LMBRD1: variants seen among roughly 807,000 people sequenced by gnomAD.
LMBRD1 encodes the protein LMBR1 domain containing 1.
Under a neutral mutation model 74.8 loss-of-function variants are expected in LMBRD1, and 64 were observed. The observed-to-expected ratio is 0.86, with a 90% CI of 0.70 to 1.05. LMBRD1 has a LOEUF of 1.05. Among genes scored for constraint, LMBRD1 ranks in the 50% least tolerant of loss-of-function variants. The pLI, the probability that LMBRD1 is intolerant of heterozygous loss-of-function variation, is 0.00. For synonymous variants in LMBRD1, 204 were observed against 216.3 expected (o/e 0.94, Z 0.50); for missense variants, 652 against 645.9 (o/e 1.01, Z -0.10).
In LMBRD1 at chr6:69,740,103, CTCAATCAA is replaced by C. The variant is rs35451541; in HGVS notation, c.562+1678_562+1685del. 4.0e-5 allele frequency among the ~76,000 whole-genome samples: 6 copies of C among 151,576 alleles called. No individual in the cohort carries two copies. In the South Asian group the frequency reaches 6.2e-4, roughly 16 times the overall value. On this transcript the variant is annotated intron_variant, in intron 6 of 15. Coordinates refer to ENST00000649934, the MANE Select transcript of LMBRD1 (RefSeq NM_018368.4). ...CCGGGGTGACAGAGCAAGACTCCGT[CTCAATCAA>C]TCAATCAATCAATCAATAAAAAGGT...
intron 2 of LMBRD1, among the ~76,000 whole-genome samples, chr6:69,785,671 C>A (rs1261621043): frequency 6.6e-6 from 1 of 152,206 alleles, no homozygotes; most frequent in Non-Finnish European, 1.5e-5. Flanking sequence ...CAATTTTAAT[C>A]ATTTTTCTCT....
At chr6:69,742,038 G>C (rs759687030) in intron 5 of LMBRD1, among the ~76,000 whole-genome samples, 161 bp from the exon 6 acceptor site, 3 of 152,114 alleles carry the variant, frequency 2.0e-5, no homozygotes, top group African/African-American at 7.2e-5. Flanking sequence ...TTACTTCCTT[G>C]TAAATTTAAT....
At chr6:69,695,591 T>G (rs1765978425) in intron 14 of LMBRD1, among the ~76,000 whole-genome samples, 1 of 152,196 alleles carries the variant, frequency 6.6e-6, no homozygotes, top group Non-Finnish European at 1.5e-5. Context: ...TTATAACACC[T>G]AATACAATGT....
chr6:69,719,955 A>C (rs1005043367), intron 7 of LMBRD1, among the ~76,000 whole-genome samples: 2 of 152,226 alleles, frequency 1.3e-5, no homozygotes, highest in Non-Finnish European at 2.9e-5. Flanking sequence ...CGTTTTAGGC[A>C]TGACCCCAAA....
At chr6:69,749,292 A>G in intron 5 of LMBRD1, 49 bp downstream of exon 5, 1 of 1,355,300 alleles carries the variant, frequency 7.4e-7, no homozygotes, top group African/African-American at 1.5e-5. Flanking sequence ...TTTTTTTCAA[A>G]TAATTCTATT....
In LMBRD1 at chr6:69,719,888, G is replaced by A. The variant is rs928149088; in HGVS notation, c.637-807C>T. On this transcript the variant is annotated intron_variant, in intron 7 of 15. Transcript: ENST00000649934. ...ACACTTTACCCCGTGCCCCCTGTTA[G>A]ATGGGCCATGAGATTGAGTTCAGGA... is the stretch of plus-strand genomic sequence containing the variant. Among the ~76,000 whole-genome samples, 3 of 152,082 alleles carry A rather than the reference G, an allele frequency of 2.0e-5. No homozygotes were observed. The East Asian group carries it at 5.8e-4, about 29-fold the overall frequency.
At chr6:69,784,488 C>T (rs553803233) in intron 2 of LMBRD1, among the ~76,000 whole-genome samples, 4 of 152,056 alleles carry the variant, frequency 2.6e-5, no homozygotes, top group Non-Finnish European at 5.9e-5. Context: ...TGACAATGTC[C>T]GGAGACATGG....
intron 5 of LMBRD1, among the ~76,000 whole-genome samples, chr6:69,748,894 T>C (rs1765054221): frequency 6.6e-6 from 1 of 152,074 alleles, no homozygotes; most frequent in Non-Finnish European, 1.5e-5. Flanking sequence ...CAAAGTGTTA[T>C]TTATAATGGG....
At chr6:69,676,872 C>A (rs1483070070) in intron 14 of LMBRD1, among the ~76,000 whole-genome samples, 1 of 151,746 alleles carries the variant, frequency 6.6e-6, no homozygotes, top group Admixed American at 6.6e-5. Context: ...TCAGACATAT[C>A]ATAAAACAAA....
intron 1 of LMBRD1, among the ~76,000 whole-genome samples, chr6:69,795,658 A>G (rs939234108): frequency 1.3e-5 from 2 of 152,234 alleles, no homozygotes; most frequent in African/African-American, 4.8e-5. Flanking sequence ...ACCACAGTCA[A>G]CCTTTAGGGT....
intron 8 of LMBRD1, among the ~76,000 whole-genome samples, chr6:69,715,624 C>T (rs1465697395): frequency 6.6e-6 from 1 of 152,000 alleles, no homozygotes; most frequent in East Asian, 1.9e-4. Flanking sequence ...ACCATATTAC[C>T]ATTCCCCTTT....
At chr6:69,773,982 C>T (rs1765631315) in intron 3 of LMBRD1, among the ~76,000 whole-genome samples, 1 of 152,182 alleles carries the variant, frequency 6.6e-6, no homozygotes, top group South Asian at 2.1e-4. Context: ...CATCTACACA[C>T]AAGATGATAG....
At chr6:69,701,234 A>G (rs1234320551) in intron 11 of LMBRD1, among the ~76,000 whole-genome samples, 2 of 151,860 alleles carry the variant, frequency 1.3e-5, no homozygotes, top group East Asian at 1.9e-4. Context: ...GTCCAGGAAT[A>G]TATCAATATG....
At chr6:69,704,371 G>C (rs9364050) in intron 9 of LMBRD1, among the ~76,000 whole-genome samples, 72,614 of 151,684 alleles carry the variant, frequency 0.48, 17,982 homozygotes, top group African/African-American at 0.6. Flanking sequence ...TAGGGAAGAG[G>C]TTTCCCTTCC....
chr6:69,674,353 A>G lies in LMBRD1; in HGVS notation c.*1805T>C, dbSNP rs1765503957. 6.6e-6 allele frequency among the ~76,000 whole-genome samples: 1 copy of G among 152,212 alleles called. No individual in the cohort carries two copies. Among genetic ancestry groups the G allele is most frequent in the Admixed American group, 6.5e-5 (1 of 15,274 alleles). ...ATTGTAAGGGGACACAATTCAGCCT[A>G]TAACATAGAAAGTGGAGAAGAAGGG... is the stretch of plus-strand genomic sequence containing the variant. On this transcript the variant is annotated 3_prime_UTR_variant, in exon 16 of 16. Transcript: ENST00000649934.
At chr6:69,721,925 A>G (rs1390338391) in intron 7 of LMBRD1, among the ~76,000 whole-genome samples, 1 of 152,126 alleles carries the variant, frequency 6.6e-6, no homozygotes. Context: ...GGCCTGGTGG[A>G]ACCCCATGGA....
At chr6:69,779,170 G>T (rs527854582) in intron 3 of LMBRD1, among the ~76,000 whole-genome samples, 17 of 130,756 alleles carry the variant, frequency 1.3e-4, no homozygotes, top group Non-Finnish European at 1.8e-4. Context: ...TGGGCAACAG[G>T]GCGAGACTCA....
At chr6:69,725,145 ATTAAC>A (rs1418629280) in intron 7 of LMBRD1, among the ~76,000 whole-genome samples, 4 of 152,146 alleles carry the variant, frequency 2.6e-5, no homozygotes, top group Non-Finnish European at 5.9e-5. Context: ...ATAACTAGGA[ATTAAC>A]TTAACCAAAA....
intron 14 of LMBRD1, among the ~76,000 whole-genome samples, chr6:69,686,794 G>A (rs2149837565): frequency 6.6e-6 from 1 of 152,244 alleles, no homozygotes; most frequent in Non-Finnish European, 1.5e-5. Flanking sequence ...CTGTATCACA[G>A]GTAGGCAAAC....
Sources: allele counts gnomAD v4.1 joint callset (sites outside exome capture counted in the v4.1 genomes callset), GRCh38; gene constraint gnomAD v4.1.1; transcripts MANE v1.5; gene names NCBI Gene and HGNC (gene_info 2026-07-23, HGNC 2026-07-21).